Variants in SNX6 observed in about 807,000 individuals in gnomAD.
SNX6 encodes sorting nexin 6.
In SNX6, 34 loss-of-function variants were observed where a neutral mutation model predicts 63.0. The observed-to-expected ratio is 0.54, with a 90% CI of 0.41 to 0.72. The LOEUF is 0.72. SNX6 is among the 30% of genes least tolerant of loss of function. The pLI is 0.00. For missense variants in SNX6, 398 were observed against 471.4 expected (o/e 0.84, Z 1.44); for synonymous variants, 170 against 164.2 (o/e 1.04, Z -0.27).
At position 34,565,662 on chromosome 14, in the gene SNX6, G is replaced by C. The variant is rs560288003; in HGVS notation, c.1167+2024C>G. ...CTCCGGAGAAGCTGGGATTACAGGC[G>C]TGCACCACTATGCCTGGCTGATTTT... On this transcript the variant is annotated intron_variant, in intron 13 of 13. Coordinates refer to ENST00000362031, the MANE Select transcript of SNX6 (RefSeq NM_152233.4). 4.8e-4 allele frequency among the ~76,000 whole-genome samples: 73 copies of C among 151,580 alleles called. 1 individual carries two copies. The highest frequency in any genetic ancestry group is 2.1e-4 in the Non-Finnish European group (14 of 67,972).
chr14:34,627,502 G>GTT (rs1381897379), intron 2 of SNX6, among the ~76,000 whole-genome samples: 3 of 151,702 alleles, frequency 2.0e-5, no homozygotes, highest in African/African-American at 7.3e-5. Context: ...TTGAGATGGA[G>GTT]TTTTGCTCTT....
chr14:34,584,368 C>T (rs1269133366), intron 9 of SNX6, among the ~76,000 whole-genome samples: 1 of 149,608 alleles, frequency 6.7e-6, no homozygotes, highest in Non-Finnish European at 1.5e-5. Context: ...GTGGTGTGAT[C>T]TTGGCTCACT....
At chr14:34,577,254 T>G (rs1881747940) in intron 10 of SNX6, among the ~76,000 whole-genome samples, 1 of 151,360 alleles carries the variant, frequency 6.6e-6, no homozygotes, top group African/African-American at 2.4e-5. Context: ...GGCTAATTTT[T>G]TTGTATTTTT....
At chr14:34,613,951 T>C (rs138986378) in intron 2 of SNX6, among the ~76,000 whole-genome samples, 162 of 149,794 alleles carry the variant, frequency 1.1e-3, no homozygotes, top group Middle Eastern at 3.5e-3. Flanking sequence ...TTACTAAAAA[T>C]ACAAAAATTA....
chr14:34,597,527 C>G (rs756486178), intron 7 of SNX6, 23 bp downstream of exon 7: 1 of 1,345,592 alleles, frequency 7.4e-7, no homozygotes, highest in South Asian at 1.2e-5. Context: ...ACTAATACCA[C>G]AGTTAATCAA....
chr14:34,619,618 A>T (rs572317689), intron 2 of SNX6, among the ~76,000 whole-genome samples: 1 of 152,270 alleles, frequency 6.6e-6, no homozygotes, highest in South Asian at 2.1e-4. Flanking sequence ...GTTTGCAATG[A>T]GGAAGACAAT....
Position 34,629,686 on chromosome 14 carries a change from G to A in SNX6, c.54+221C>T, listed in dbSNP as rs889130386. 96 of 760,744 alleles carry A rather than the reference G, an allele frequency of 1.3e-4. 1 individual carries two copies. In the Admixed American group the frequency reaches 1.5e-3, roughly 12 times the overall value. 47.1% of individuals were successfully genotyped at this position (760,744 alleles called of 1,614,324 possible). A position where few individuals can be genotyped will look rare whatever the true frequency, so the allele number is the denominator to read the frequency against. On this transcript the variant is annotated intron_variant, in intron 2 of 13. Transcript: ENST00000362031. ...ACCAGAAGGCCCGAACAGCGGCGGG[G>A]GACAAGAAAGCGGCCGCGGGTCCCC...
intron 2 of SNX6, among the ~76,000 whole-genome samples, chr14:34,621,431 C>T (rs749495376): frequency 1.3e-5 from 2 of 152,114 alleles, no homozygotes; most frequent in Non-Finnish European, 2.9e-5. Flanking sequence ...TTCTAAGTTC[C>T]CAATTTGAAT....
chr14:34,573,543 C>G (rs546350923), intron 11 of SNX6, among the ~76,000 whole-genome samples: 1 of 151,996 alleles, frequency 6.6e-6, no homozygotes, highest in East Asian at 1.9e-4. Context: ...CCACTGCACT[C>G]CAGCCTGGGC....
At chr14:34,581,274 C>T (rs1015241907) in intron 10 of SNX6, among the ~76,000 whole-genome samples, 1 of 152,204 alleles carries the variant, frequency 6.6e-6, no homozygotes, top group Non-Finnish European at 1.5e-5. Context: ...GTGCCTCAGC[C>T]TCCCAAGTAG....
At chr14:34,581,230 T>C (rs1881920929) in intron 10 of SNX6, among the ~76,000 whole-genome samples, 1 of 152,180 alleles carries the variant, frequency 6.6e-6, no homozygotes, top group South Asian at 2.1e-4. Context: ...CTTGGCTCAC[T>C]ACAACGTTGG....
chr14:34,611,930 C>T (rs1220848851), intron 2 of SNX6, among the ~76,000 whole-genome samples: 1 of 151,898 alleles, frequency 6.6e-6, no homozygotes, highest in Non-Finnish European at 1.5e-5. Context: ...AGGCACCCAC[C>T]ACCACGCCTG....
chr14:34,585,044 G>A (rs1301314691), intron 9 of SNX6, among the ~76,000 whole-genome samples: 1 of 151,930 alleles, frequency 6.6e-6, no homozygotes, highest in Non-Finnish European at 1.5e-5. Flanking sequence ...TGGAGACAGG[G>A]TTTCTCCATG....
intron 1 of SNX6, 39 bp from the exon 2 acceptor site, chr14:34,629,993 T>A: frequency 6.6e-7 from 1 of 1,524,600 alleles, no homozygotes; most frequent in East Asian, 2.5e-5. Context: ...GGGAAAAGGA[T>A]GAGATGGGGG....
chr14:34,588,270 G>A (rs1304746587), intron 8 of SNX6, among the ~76,000 whole-genome samples: 1 of 152,114 alleles, frequency 6.6e-6, no homozygotes, highest in Non-Finnish European at 1.5e-5. Flanking sequence ...GCTTCCCAAA[G>A]TGCTGGGATT....
chr14:34,589,807 CAG>C (rs1332115629), intron 8 of SNX6, among the ~76,000 whole-genome samples: 3 of 151,120 alleles, frequency 2.0e-5, no homozygotes, highest in Non-Finnish European at 4.4e-5. Flanking sequence ...CCTGGATAGA[CAG>C]AGAGAGACTC....
chr14:34,593,791 G>A (rs1480142883), intron 7 of SNX6, among the ~76,000 whole-genome samples: 1 of 150,302 alleles, frequency 6.7e-6, no homozygotes, highest in Non-Finnish European at 1.5e-5. Context: ...CATTGGTCAT[G>A]CTGGTCTCGA....
intron 11 of SNX6, among the ~76,000 whole-genome samples, chr14:34,570,400 C>T (rs1267068471): frequency 6.7e-6 from 1 of 149,568 alleles, no homozygotes; most frequent in African/African-American, 2.5e-5. Flanking sequence ...TGAAGGCCAC[C>T]TTGTGGGTAT....
chr14:34,601,877 C>T (rs1343187650), intron 6 of SNX6, among the ~76,000 whole-genome samples: 2 of 150,576 alleles, frequency 1.3e-5, no homozygotes, highest in African/African-American at 4.9e-5. Context: ...TTACAGGTTA[C>T]AGGCATGAGC....
Sources: allele counts gnomAD v4.1 joint callset (sites outside exome capture counted in the v4.1 genomes callset), GRCh38; gene constraint gnomAD v4.1.1; transcripts MANE v1.5; gene names NCBI Gene and HGNC (gene_info 2026-07-23, HGNC 2026-07-21).